Variants in SLC36A1 observed in about 807,000 individuals in gnomAD.
SLC36A1 encodes proton-coupled amino acid transporter 1.
SLC36A1 carries 30 observed loss-of-function variants against 47.5 expected under a neutral mutation model. The ratio of observed to expected loss-of-function variants is 0.63; its 90% CI spans 0.47 to 0.86. The LOEUF (loss-of-function observed/expected upper bound fraction) is 0.86. Ranked by LOEUF, SLC36A1 falls within the 40% of genes least tolerant of loss-of-function variation. The pLI is 0.00. For missense variants in SLC36A1, 517 were observed against 606.0 expected (o/e 0.85, Z 1.54); for synonymous variants, 255 against 249.7 (o/e 1.02, Z -0.20).
At chr5:151,419,307 G>C in the SLC36A1 span, among the ~76,000 whole-genome samples, 1 of 152,152 alleles carries the variant, frequency 6.6e-6, no homozygotes, top group Non-Finnish European at 1.5e-5. Context: ...CCCTGGGAAG[G>C]TTGCTTTCTG....
the SLC36A1 span, chr5:151,517,522 T>G: frequency 6.9e-7 from 1 of 1,439,418 alleles, no homozygotes; most frequent in East Asian, 2.3e-5. Flanking sequence ...AGGGATTTCT[T>G]TGGCAGAAAT....
the SLC36A1 span, chr5:151,412,892 CA>C: frequency 6.9e-6 from 1 of 144,388 alleles, no homozygotes; most frequent in Non-Finnish European, 1.5e-5. Context: ...CCTTGTCTCC[CA>C]AAATTCCCTT....
chr5:151,505,626 T>C, the SLC36A1 span: 38 of 1,614,026 alleles, frequency 2.4e-5, no homozygotes, highest in East Asian at 1.1e-4. Context: ...GCCCTCATAG[T>C]TGGGGGGCAC....
chr5:151,512,430 C>T, the SLC36A1 span: 3 of 1,614,268 alleles, frequency 1.9e-6, no homozygotes, highest in South Asian at 3.3e-5. This position sits in a 1 kb window ranked among gnomAD's most constrained non-coding sequence, Gnocchi z 4.1. Context: ...CACGGCAGTT[C>T]TCTGGGACCA....
chr5:151,553,195 A>G, the SLC36A1 span: 3 of 1,614,258 alleles, frequency 1.9e-6, no homozygotes, highest in Non-Finnish European at 2.5e-6. Context: ...TTGAACCAGA[A>G]GAGTCCGGGT....
At chr5:151,423,440 G>C in the SLC36A1 span, among the ~76,000 whole-genome samples, 9 of 152,202 alleles carry the variant, frequency 5.9e-5, no homozygotes, top group African/African-American at 2.2e-4. Flanking sequence ...AGGAACAATG[G>C]AGTATTATTT....
chr5:151,453,185 C>T (rs926952424), intron 1 of SLC36A1, among the ~76,000 whole-genome samples: 1 of 151,226 alleles, frequency 6.6e-6, no homozygotes, highest in Admixed American at 6.6e-5. Context: ...GCCTGGGCAA[C>T]AAGAATGAAA....
chr5:151,529,429 T>C, the SLC36A1 span: 26 of 1,593,716 alleles, frequency 1.6e-5, no homozygotes, highest in Non-Finnish European at 2.0e-5. Flanking sequence ...AATGAGGCAG[T>C]TGGGCCCTCA....
chr5:151,368,417 A>C, the SLC36A1 span, among the ~76,000 whole-genome samples: 1 of 152,082 alleles, frequency 6.6e-6, no homozygotes, highest in Admixed American at 6.5e-5. Flanking sequence ...TTTGTTTGCC[A>C]CTCTGCAGTG....
the SLC36A1 span, among the ~76,000 whole-genome samples, chr5:151,385,196 G>T: frequency 6.6e-6 from 1 of 152,146 alleles, no homozygotes; most frequent in Admixed American, 6.5e-5. Context: ...TGGAAAAGTT[G>T]CACAGACATA....
chr5:151,359,469 G>A, the SLC36A1 span, among the ~76,000 whole-genome samples: 1 of 152,320 alleles, frequency 6.6e-6, no homozygotes, highest in African/African-American at 2.4e-5. Context: ...GAGGCTAAGA[G>A]GGGACATTCC....
upstream of SLC36A1, among the ~76,000 whole-genome samples, chr5:151,433,243 TATATATATATATATA>T (rs1759503379): frequency 4.1e-4 from 5 of 12,058 alleles, no homozygotes; most frequent in Non-Finnish European, 7.8e-4. Context: ...TATATATATA[TATATATATATATATA>T]TATATATATT....
upstream of SLC36A1, among the ~76,000 whole-genome samples, chr5:151,446,966 C>A (rs914672980): frequency 6.6e-6 from 1 of 152,106 alleles, no homozygotes; most frequent in Non-Finnish European, 1.5e-5. Flanking sequence ...TATATATTTA[C>A]AGTTGTGTCT....
At chr5:151,553,449 C>G in the SLC36A1 span, 2 of 1,467,916 alleles carry the variant, frequency 1.4e-6, no homozygotes, top group Non-Finnish European at 1.9e-6. Context: ...ACCCAAGCAG[C>G]CAGGACAGGA....
At chr5:151,539,954 C>T in the SLC36A1 span, among the ~76,000 whole-genome samples, 3 of 152,180 alleles carry the variant, frequency 2.0e-5, no homozygotes. Flanking sequence ...GACTAAATTA[C>T]CCCAGCAGAT....
the SLC36A1 span, chr5:151,347,731 A>T: frequency 4.1e-6 from 2 of 485,950 alleles, no homozygotes; most frequent in Non-Finnish European, 7.5e-6. Flanking sequence ...TTACTTAATA[A>T]TAATCATAAT....
chr5:151,443,817 T>C (rs1752768962), upstream of SLC36A1, among the ~76,000 whole-genome samples: 1 of 152,216 alleles, frequency 6.6e-6, no homozygotes, highest in Admixed American at 6.5e-5. Context: ...ATTTAGGCCT[T>C]TTATCCACTT....
downstream of SLC36A1, among the ~76,000 whole-genome samples, chr5:151,494,058 A>T (rs1192338860): frequency 6.6e-6 from 1 of 152,056 alleles, no homozygotes; most frequent in Non-Finnish European, 1.5e-5. Context: ...TCACATTTAT[A>T]CCTAATGGCT....
chr5:151,479,415 T>A lies in SLC36A1; in HGVS notation c.1085T>A (p.Phe362Tyr). Reference protein sequence around the residue: ...YVPAEIIIPFFVSRAPEHCEL... With the variant: ...YVPAEIIIPFYVSRAPEHCEL... ...CCGGCTGAGATCATCATCCCCTTCT[T>A]TGTGTCCCGAGCGCCCGAGCACTGT... Residue 362 changes from phenylalanine (F) to tyrosine (Y), a missense_variant, in exon 10 of 11, where the codon TTT becomes TAT. Coordinates refer to ENST00000243389, the MANE Select transcript of SLC36A1 (RefSeq NM_078483.4). The A allele has an allele frequency of 6.2e-7, 1 of 1,614,178 alleles. No homozygotes were observed. The highest frequency in any genetic ancestry group is 8.5e-7 in the Non-Finnish European group (1 of 1,180,022).
Sources: gnomAD v4.1 joint callset for allele counts (sites outside exome capture counted in the v4.1 genomes callset) on GRCh38, gnomAD v4.1.1 for gene constraint, Gnocchi (gnomAD v3.1) non-coding constraint, MANE v1.5 for transcripts, NCBI Gene and HGNC (gene_info 2026-07-23, HGNC 2026-07-21) for gene names.